LRP6: variants seen among roughly 807,000 people sequenced by gnomAD.
LRP6 encodes LDL receptor related protein 6.
LRP6 carries 43 observed loss-of-function variants against 184.1 expected under a neutral mutation model. That is an observed-to-expected ratio of 0.23 (90% CI 0.18 to 0.30). The LOEUF is 0.30. Ranked by LOEUF, LRP6 falls within the 10% of genes least tolerant of loss-of-function variation. LRP6 has a pLI of 1.00. For synonymous variants in LRP6, 719 were observed against 684.9 expected (o/e 1.05, Z -0.78); for missense variants, 1,571 against 2,005.3 (o/e 0.78, Z 4.14).
chr12:12,266,397 C>T (rs1313531389), intron 1 of LRP6, among the ~76,000 whole-genome samples: 1 of 152,158 alleles, frequency 6.6e-6, no homozygotes, highest in East Asian at 1.9e-4. Flanking sequence ...CTCAGTCATC[C>T]CGACAGCATG....
intron 3 of LRP6, among the ~76,000 whole-genome samples, chr12:12,192,061 TAAC>T (rs1399819704): frequency 3.3e-5 from 5 of 152,020 alleles, no homozygotes; most frequent in Non-Finnish European, 7.4e-5. Context: ...TTAACCTTTT[TAAC>T]AGACATAAGA....
At chr12:12,243,547 A>G (rs1003568446) in intron 2 of LRP6, among the ~76,000 whole-genome samples, 1 of 152,206 alleles carries the variant, frequency 6.6e-6, no homozygotes, top group Admixed American at 6.5e-5. Context: ...ATCACAAAAA[A>G]TAAATACAGA....
intron 2 of LRP6, among the ~76,000 whole-genome samples, chr12:12,219,939 A>G (rs1172049876): frequency 6.6e-6 from 1 of 152,200 alleles, no homozygotes; most frequent in Non-Finnish European, 1.5e-5. Context: ...TAAGCAATCC[A>G]TTCTGGTGAG....
chr12:12,150,876 C>T lies in LRP6; in HGVS notation c.2954G>A (p.Arg985Gln), dbSNP rs1950072033. Residue 985 changes from arginine to glutamine, a missense_variant, in exon 13 of 23, where the codon CGA becomes CAA. By Grantham distance (43) the Arg-to-Gln change is conservative. Coordinates refer to ENST00000261349, the MANE Select transcript of LRP6 (RefSeq NM_002336.3). ...LDKQLYWIDSRQNMIRKAQED... is the reference protein window; with the variant it reads ...LDKQLYWIDSQQNMIRKAQED... ...TTGTGCCTTTCGGATCATGTTTTGT[C>T]GTGAGTCAATCCAATAGAGTTGCTT... The T allele has an allele frequency of 6.2e-7, 1 of 1,614,018 alleles. No individual in the cohort carries two copies.
Position 12,186,997 on chromosome 12 carries a change from C to T in LRP6, c.770G>A (p.Gly257Asp). ...ILACNKYTGE[G>D]LREIHSDIFS... ...GATGTCAGAATGGATTTCACGCAGA[C>T]CCTCACCAGTATACTTGTTGCAAGC... is the stretch of plus-strand genomic sequence containing the variant. Residue 257 changes from glycine to aspartate, a missense_variant, in exon 4 of 23, where the codon GGT becomes GAT. Transcript: ENST00000261349. 1 of 1,614,104 alleles carries T rather than the reference C, an allele frequency of 6.2e-7. No individual in the cohort carries two copies. The highest frequency in any genetic ancestry group is 2.2e-5 in the East Asian group (1 of 44,880).
intron 12 of LRP6, among the ~76,000 whole-genome samples, chr12:12,151,944 T>C (rs993562861): frequency 3.9e-5 from 6 of 152,170 alleles, no homozygotes; most frequent in African/African-American, 7.2e-5. Flanking sequence ...TTGTTGTTTA[T>C]GTGAGGACGG....
intron 2 of LRP6, among the ~76,000 whole-genome samples, chr12:12,239,679 T>TC (rs898939765): frequency 1.3e-5 from 2 of 151,730 alleles, no homozygotes; most frequent in Non-Finnish European, 2.9e-5. Flanking sequence ...TTTTTTTTTT[T>TC]CATCTCCAGC....
At chr12:12,262,491 G>C (rs1303054946) in intron 1 of LRP6, among the ~76,000 whole-genome samples, 1 of 151,574 alleles carries the variant, frequency 6.6e-6, no homozygotes, top group Non-Finnish European at 1.5e-5. Context: ...CAAGGAGGCA[G>C]AGATTGCAGT....
chr12:12,199,951 C>T (rs1476073127), intron 3 of LRP6, among the ~76,000 whole-genome samples: 3 of 108,052 alleles, frequency 2.8e-5, no homozygotes, highest in South Asian at 3.4e-4. Flanking sequence ...GGCAACAGAG[C>T]GAGACTCCAT....
Position 12,130,897 on chromosome 12 carries a change from GA to G in LRP6, c.3971-5del, listed in dbSNP as rs754240736. On this transcript the variant is annotated splice_polypyrimidine_tract_variant and splice_region_variant and intron_variant, in intron 18 of 22. Coordinates refer to ENST00000261349, the MANE Select transcript of LRP6 (RefSeq NM_002336.3). ...AACTGATCAATTAAACAAAGCACTG[GA>G]AAAAAAACATAAATAGTTTCCTTAT... The G allele has an allele frequency of 2.1e-5, 31 of 1,501,968 alleles. No homozygotes were observed. The highest frequency in any genetic ancestry group is 2.7e-5 in the Non-Finnish European group (29 of 1,078,674). 93.0% of individuals were successfully genotyped at this position (1,501,968 alleles called of 1,614,324 possible).
At chr12:12,250,929 TTTC>T (rs368921006) in intron 1 of LRP6, among the ~76,000 whole-genome samples, 3 of 151,186 alleles carry the variant, frequency 2.0e-5, no homozygotes, top group Non-Finnish European at 4.4e-5. Flanking sequence ...GCTTGATTTT[TTTC>T]TTCTTCTTCG....
At chr12:12,243,431 G>C (rs1337173724) in intron 2 of LRP6, among the ~76,000 whole-genome samples, 1 of 152,156 alleles carries the variant, frequency 6.6e-6, no homozygotes, top group Non-Finnish European at 1.5e-5. Context: ...CAGTATCATT[G>C]TGTATATAAT....
At position 12,244,654 on chromosome 12, in the gene LRP6, C is replaced by A; in HGVS notation, c.57G>T (p.Ala19=). ...TGTTTGCATAAAGCAACAAAGGGGC[C>A]GCTAGAACAAAAAAAGAAAAATATG... The part of the protein sequence containing the change: ...LACSFCVLLR[A]APLLLYANRR... The change falls in exon 2 of 23, where the codon GCG becomes GCT. Residue 19 remains alanine, a splice_region_variant and synonymous_variant. Coordinates refer to ENST00000261349, the MANE Select transcript of LRP6 (RefSeq NM_002336.3). 2 of 1,612,576 alleles carry A rather than the reference C, an allele frequency of 1.2e-6. No individual in the cohort carries two copies. The highest frequency in any genetic ancestry group is 8.5e-7 in the Non-Finnish European group (1 of 1,179,608).
At chr12:12,212,368 G>A (rs1405316346) in intron 2 of LRP6, among the ~76,000 whole-genome samples, 2 of 152,088 alleles carry the variant, frequency 1.3e-5, no homozygotes, top group Non-Finnish European at 2.9e-5. Context: ...CTCCAGTTAT[G>A]AGCTGCTTTT....
chr12:12,210,320 G>A (rs999238910), intron 2 of LRP6, among the ~76,000 whole-genome samples: 5 of 152,190 alleles, frequency 3.3e-5, no homozygotes, highest in African/African-American at 1.2e-4. Flanking sequence ...AAATGTGAAT[G>A]TGTGTGTATT....
chr12:12,213,867 A>C (rs1392686377), intron 2 of LRP6, among the ~76,000 whole-genome samples: 3 of 152,190 alleles, frequency 2.0e-5, no homozygotes, highest in African/African-American at 7.2e-5. Context: ...TATTAATACC[A>C]GTCTTGGATA....
chr12:12,203,156 C>T (rs751596773), intron 3 of LRP6, 47 bp downstream of exon 3: 1 of 1,363,866 alleles, frequency 7.3e-7, no homozygotes, highest in Admixed American at 2.1e-5. Context: ...TGTATCAAGG[C>T]TTCATCGAGT....
intron 2 of LRP6, among the ~76,000 whole-genome samples, chr12:12,243,602 G>T (rs1444342333): frequency 6.6e-6 from 1 of 152,014 alleles, no homozygotes; most frequent in Non-Finnish European, 1.5e-5. Flanking sequence ...AACCCAAAAC[G>T]ATTTACAGAA....
rs766468146 is a variant in LRP6 at position 12,179,881 on chromosome 12, G to C, written c.1474C>G (p.Pro492Ala). The change falls in exon 7 of 23, where the codon CCA becomes GCA. Residue 492 changes from proline to alanine, a missense_variant. Physicochemically the swap from Pro to Ala is conservative, Grantham distance 27. Around this residue, in one of 4 missense-constraint regions of LRP6, gnomAD observed 640 missense variants for 851.9 expected, o/e 0.75. Transcript: ENST00000261349. ...TCATAATCCAAGGCTAAACCATTTG[G>C]CCAACCAAGAGAAGTGTTAACCAAT... The part of the protein sequence containing the change: ...VVLVNTSLGW[P>A]NGLALDYDEG... 6.2e-7 allele frequency: 1 copy of C among 1,613,778 alleles called. No individual in the cohort carries two copies. Among genetic ancestry groups the C allele is most frequent in the Non-Finnish European group, 8.5e-7 (1 of 1,179,850 alleles).
Sources: allele counts gnomAD v4.1 joint callset (sites outside exome capture counted in the v4.1 genomes callset), GRCh38; gene constraint gnomAD v4.1.1; regional missense constraint gnomAD v4.1.1; transcripts MANE v1.5; gene names NCBI Gene and HGNC (gene_info 2026-07-23, HGNC 2026-07-21).